Variants in GATA4 observed in about 807,000 individuals in gnomAD.
The protein encoded by GATA4 is GATA binding protein 4.
In GATA4, 7 loss-of-function variants were observed where a neutral mutation model predicts 37.9. The observed-to-expected ratio is 0.18, with a 90% CI of 0.11 to 0.35. GATA4 has a LOEUF of 0.35. Ranked by LOEUF, GATA4 falls within the 10% of genes least tolerant of loss-of-function variation. The pLI, the probability that GATA4 is intolerant of heterozygous loss-of-function variation, is 1.00. For missense variants in GATA4, 647 were observed against 653.0 expected (o/e 0.99, Z 0.10); for synonymous variants, 372 against 292.6 (o/e 1.27, Z -2.77).
chr8:11,757,252 G>C (rs1163107198), intron 6 of GATA4, among the ~76,000 whole-genome samples, 169 bp downstream of exon 6: 1 of 152,240 alleles, frequency 6.6e-6, no homozygotes. Flanking sequence ...GGTGCCCTCA[G>C]GGCCGCACGA....
chr8:11,681,069 G>C, intron 1 of GATA4: 1 of 953,278 alleles, frequency 1.0e-6, no homozygotes, highest in Non-Finnish European at 1.2e-6. Flanking sequence ...GCCGGATTTG[G>C]AGGGACATTG....
rs559734534 is a variant in GATA4 at position 11,749,444 on chromosome 8, T to A, written c.786+359T>A. 6.6e-6 allele frequency among the ~76,000 whole-genome samples: 1 copy of A among 152,228 alleles called. No individual in the cohort carries two copies. Among genetic ancestry groups the A allele is most frequent in the African/African-American group, 2.4e-5 (1 of 41,520 alleles). Reference sequence around the variant, plus strand: ...GTGTCTCCTCCACCCACACCAACCCTGCAAGGAAGGTCACCTCAGAGGCTG... The same window carrying A: ...GTGTCTCCTCCACCCACACCAACCCAGCAAGGAAGGTCACCTCAGAGGCTG... On this transcript the variant is annotated intron_variant, in intron 3 of 6. Transcript: ENST00000532059. This position sits in a 1 kb window ranked among gnomAD's most constrained non-coding sequence, Gnocchi z 4.6.
At chr8:11,679,487 G>T (rs2129916893) in intron 1 of GATA4, among the ~76,000 whole-genome samples, 1 of 152,384 alleles carries the variant, frequency 6.6e-6, no homozygotes, top group Admixed American at 6.5e-5. Flanking sequence ...GGGCCGGGAG[G>T]AGAGGAGAGT....
Position 11,693,552 on chromosome 8 carries a change from C to CAGAG in GATA4, c.-729+893_-729+894insGAGA, listed in dbSNP as rs1248723269. Among the ~76,000 whole-genome samples the CAGAG allele has an allele frequency of 8.7e-3, 1,029 of 117,972 alleles. 10 individuals are homozygous for CAGAG. The highest frequency in any genetic ancestry group is 0.013 in the Admixed American group (143 of 11,340). The allele number at this position is 117,972 out of a possible 152,430, so 77.4% of individuals were successfully genotyped here. A position where few individuals can be genotyped will look rare whatever the true frequency, so the allele number is the denominator to read the frequency against. On this transcript the variant is annotated intron_variant, in intron 1 of 2. Coordinates refer to the GATA4 transcript ENST00000526974. ...ACACACACACACACACACACACACA[C>CAGAG]ACACACACACAGAGAGAGAGAGAGA... is the stretch of plus-strand genomic sequence containing the variant.
At chr8:11,680,788 G>C in intron 1 of GATA4, 1 of 985,306 alleles carries the variant, frequency 1.0e-6, no homozygotes, top group East Asian at 1.1e-4. Context: ...GTGCTCACCC[G>C]CCCCTCGCCC....
rs182460266 is a variant in GATA4 at position 11,725,772 on chromosome 8, C to T, written c.616+16844C>T. On this transcript the variant is annotated intron_variant, in intron 2 of 6. Coordinates refer to ENST00000532059, the MANE Select transcript of GATA4 (RefSeq NM_001308093.3). ...CATTATTACTCGGCACCTTGGCAATCCATCTGGTACTGATGGCCTCAAAGA... is the reference window on the plus strand; with the variant it reads ...CATTATTACTCGGCACCTTGGCAATTCATCTGGTACTGATGGCCTCAAAGA... Among the ~76,000 whole-genome samples the T allele has an allele frequency of 3.0e-4, 46 of 152,332 alleles. No homozygotes were observed. In the East Asian group the frequency reaches 7.5e-3, roughly 25 times the overall value.
chr8:11,758,534 AAGG>A lies in GATA4; in HGVS notation c.*63_*65del. 1 of 1,580,306 alleles carries A rather than the reference AAGG, an allele frequency of 6.3e-7. No homozygotes were observed. The highest frequency in any genetic ancestry group is 8.7e-7 in the Non-Finnish European group (1 of 1,149,506). Reference sequence around the variant, plus strand: ...ACCTGGGACTTGGAGGATAGCAAAGAAGGAGGCCCTGGGCTCCCAGGGGCCGGC... The same window carrying A: ...ACCTGGGACTTGGAGGATAGCAAAGAAGGCCCTGGGCTCCCAGGGGCCGGC... On this transcript the variant is annotated 3_prime_UTR_variant, in exon 7 of 7. Coordinates refer to ENST00000532059, the MANE Select transcript of GATA4 (RefSeq NM_001308093.3).
upstream of GATA4, chr8:11,691,915 G>GAAA: frequency 1.3e-5 from 7 of 525,218 alleles, no homozygotes; most frequent in Non-Finnish European, 1.5e-5. Context: ...AAAGAGGGAA[G>GAAA]AAAAAAAAAA....
In GATA4 at chr8:11,693,540, CACACACACACACACACACACACAG is replaced by C. The variant is rs1425843619; in HGVS notation, c.-729+882_-729+905del. 7.3e-5 allele frequency among the ~76,000 whole-genome samples: 8 copies of C among 110,086 alleles called. No individual in the cohort carries two copies. The East Asian group carries it at 2.4e-3, about 33-fold the overall frequency. The allele number at this position is 110,086 out of a possible 152,430, so 72.2% of individuals were successfully genotyped here. On this transcript the variant is annotated intron_variant, in intron 1 of 2. Coordinates refer to the GATA4 transcript ENST00000526974. ...CAGCACAAACACACACACACACACA[CACACACACACACACACACACACAG>C]AGAGAGAGAGAGAGAGAGAGAGAGA...
intron 1 of GATA4, among the ~76,000 whole-genome samples, chr8:11,705,041 G>A (rs1563197432): frequency 2.0e-5 from 3 of 152,224 alleles, no homozygotes; most frequent in Admixed American, 1.3e-4. Context: ...GCTTGGCTTT[G>A]GGCTCAGGGG....
intron 1 of GATA4, chr8:11,681,008 G>A (rs909684207): frequency 2.1e-6 from 2 of 944,934 alleles, no homozygotes; most frequent in Admixed American, 6.2e-5. Context: ...CCGCACCCCC[G>A]AATCCCATAC....
At chr8:11,710,306 C>T (rs1201103266) in intron 2 of GATA4, among the ~76,000 whole-genome samples, 1 of 152,112 alleles carries the variant, frequency 6.6e-6, no homozygotes, top group Non-Finnish European at 1.5e-5. Context: ...GGGGCCCGGC[C>T]GAGCCTCGCC....
chr8:11,742,805 C>T (rs1044671047), intron 2 of GATA4, among the ~76,000 whole-genome samples: 19 of 152,372 alleles, frequency 1.2e-4, no homozygotes, highest in African/African-American at 4.1e-4. Flanking sequence ...AGGGACAGAT[C>T]CGGGCCTGTC....
At chr8:11,742,174 C>A (rs1157007158) in intron 2 of GATA4, among the ~76,000 whole-genome samples, 3 of 152,136 alleles carry the variant, frequency 2.0e-5, no homozygotes, top group Non-Finnish European at 4.4e-5. Context: ...CGCTGGGGCC[C>A]AGGGTGTCAG....
At chr8:11,678,754 C>T (rs1179887869) in intron 1 of GATA4, among the ~76,000 whole-genome samples, 1 of 152,076 alleles carries the variant, frequency 6.6e-6, no homozygotes, top group Non-Finnish European at 1.5e-5. Flanking sequence ...CTTGAAAGTC[C>T]CACTTTATGA....
At position 11,709,488 on chromosome 8, in the gene GATA4, A is replaced by T. The variant is rs1800064686; in HGVS notation, c.616+560A>T. 6.7e-6 allele frequency among the ~76,000 whole-genome samples: 1 copy of T among 148,874 alleles called. No individual in the cohort carries two copies. The highest frequency in any genetic ancestry group is 1.5e-5 in the Non-Finnish European group (1 of 67,492). On this transcript the variant is annotated intron_variant, in intron 2 of 6. Coordinates refer to ENST00000532059, the MANE Select transcript of GATA4 (RefSeq NM_001308093.3). This position sits in a 1 kb window ranked among gnomAD's most constrained non-coding sequence, Gnocchi z 4.3. ...ACCGAGAACAAAGGAGGGATGGACAAAGGAGACGCCGGGGAGATGCGCGGA... is the reference window on the plus strand; with the variant it reads ...ACCGAGAACAAAGGAGGGATGGACATAGGAGACGCCGGGGAGATGCGCGGA...
chr8:11,742,778 A>G (rs576062738), intron 2 of GATA4, among the ~76,000 whole-genome samples: 232 of 152,324 alleles, frequency 1.5e-3, no homozygotes, highest in Non-Finnish European at 1.7e-3. Context: ...CGTGCCCCAC[A>G]CCCAGGCGCC....
intron 2 of GATA4, among the ~76,000 whole-genome samples, chr8:11,712,923 T>C (rs1053104862): frequency 1.3e-5 from 2 of 152,150 alleles, no homozygotes; most frequent in African/African-American, 4.8e-5. Context: ...TGTAGTACCA[T>C]GAAATAATAC....
intron 2 of GATA4, among the ~76,000 whole-genome samples, chr8:11,734,432 A>G (rs1801354209): frequency 6.6e-6 from 1 of 152,220 alleles, no homozygotes; most frequent in South Asian, 2.1e-4. Flanking sequence ...GCAGAAGACC[A>G]TCATCTCACT....
Sources: gnomAD v4.1 joint callset for allele counts (sites outside exome capture counted in the v4.1 genomes callset) on GRCh38, gnomAD v4.1.1 for gene constraint, Gnocchi (gnomAD v3.1) non-coding constraint, MANE v1.5 for transcripts, NCBI Gene and HGNC (gene_info 2026-07-23, HGNC 2026-07-21) for gene names.